The following EFNA5 variants were observed in gnomAD, a reference collection of about 807,000 sequenced individuals.
EFNA5 encodes ephrin A5.
EFNA5 carries 5 observed loss-of-function variants against 22.9 expected under a neutral mutation model. That is an observed-to-expected ratio of 0.22 (90% CI 0.11 to 0.46). EFNA5 has a LOEUF of 0.46. EFNA5 is among the 20% of genes least tolerant of loss of function. The pLI is 0.99. For missense variants in EFNA5, 237 were observed against 293.3 expected (o/e 0.81, Z 1.40); for synonymous variants, 113 against 112.2 (o/e 1.01, Z -0.04).
intron 1 of EFNA5, among the ~76,000 whole-genome samples, chr5:107,442,944 A>AC (rs1456010059): frequency 1.3e-5 from 2 of 151,742 alleles, no homozygotes; most frequent in African/African-American, 4.8e-5. Context: ...AAAAAAAAAA[A>AC]AAAAAAAAAC....
At chr5:107,484,541 A>G (rs1334735198) in intron 1 of EFNA5, among the ~76,000 whole-genome samples, 1 of 152,212 alleles carries the variant, frequency 6.6e-6, no homozygotes, top group Non-Finnish European at 1.5e-5. Context: ...TCTCTTGAGA[A>G]TTCTTCTGAG....
intron 1 of EFNA5, among the ~76,000 whole-genome samples, chr5:107,447,366 AT>A (rs1304730555): frequency 2.6e-5 from 4 of 152,224 alleles, no homozygotes; most frequent in Non-Finnish European, 5.9e-5. Flanking sequence ...ACCTTTCCTA[AT>A]TTGATTGACT....
intron 1 of EFNA5, among the ~76,000 whole-genome samples, chr5:107,530,753 C>T (rs1259094107): frequency 2.0e-5 from 3 of 152,206 alleles, no homozygotes; most frequent in Middle Eastern, 6.8e-3. Context: ...GTTCCCACAC[C>T]TATAAAAGGG....
At chr5:107,440,864 T>C (rs937341493) in intron 1 of EFNA5, among the ~76,000 whole-genome samples, 35 of 152,134 alleles carry the variant, frequency 2.3e-4, no homozygotes, top group African/African-American at 8.4e-4. Flanking sequence ...ATGGTAAATG[T>C]TACTCTAATA....
In EFNA5 at chr5:107,494,085, G is replaced by A. The variant is rs1218319331; in HGVS notation, c.126-66576C>T. On this transcript the variant is annotated intron_variant, in intron 1 of 4. Transcript: ENST00000333274. ...TGATGTTGAGAGATGACGGCGTGCT[G>A]GCAGTCCTCACAGCCTTCGCTCGCT... is the stretch of plus-strand genomic sequence containing the variant. Among the ~76,000 whole-genome samples, 4 of 152,344 alleles carry A rather than the reference G, an allele frequency of 2.6e-5. No individual in the cohort carries two copies. The East Asian group carries it at 7.7e-4, about 29-fold the overall frequency.
At chr5:107,550,521 G>A (rs1429974700) in intron 1 of EFNA5, among the ~76,000 whole-genome samples, 4 of 152,162 alleles carry the variant, frequency 2.6e-5, no homozygotes, top group African/African-American at 9.6e-5. Context: ...TTTCAAATGG[G>A]AAGAAAAACA....
chr5:107,461,859 A>C (rs571130608), intron 1 of EFNA5, among the ~76,000 whole-genome samples: 60 of 152,190 alleles, frequency 3.9e-4, no homozygotes, highest in African/African-American at 1.4e-3. Flanking sequence ...GGCTCTAGGG[A>C]TATCTCTGGA....
intron 1 of EFNA5, among the ~76,000 whole-genome samples, chr5:107,556,874 A>T (rs942470015): frequency 6.6e-6 from 1 of 152,142 alleles, no homozygotes; most frequent in African/African-American, 2.4e-5. Flanking sequence ...AAGCCAATTC[A>T]TTACTCCATT....
intron 1 of EFNA5, among the ~76,000 whole-genome samples, chr5:107,580,061 G>T (rs1284996577): frequency 6.6e-6 from 1 of 152,154 alleles, no homozygotes; most frequent in Admixed American, 6.5e-5. Context: ...CCTCAGAAAG[G>T]TCTATTAGTG....
At chr5:107,555,686 G>A (rs1382456124) in intron 1 of EFNA5, among the ~76,000 whole-genome samples, 5 of 152,186 alleles carry the variant, frequency 3.3e-5, no homozygotes, top group African/African-American at 1.2e-4. Context: ...TAATCGTAGT[G>A]TATATAGCTA....
At chr5:107,484,096 C>T (rs1750553988) in intron 1 of EFNA5, among the ~76,000 whole-genome samples, 1 of 152,200 alleles carries the variant, frequency 6.6e-6, no homozygotes. Flanking sequence ...TTAAAGTTCA[C>T]TCTGTCCTTA....
chr5:107,660,273 T>TAAATATATATATATATATAA (rs1442226766), intron 1 of EFNA5, among the ~76,000 whole-genome samples: 3 of 42,250 alleles, frequency 7.1e-5, no homozygotes, highest in Non-Finnish European at 1.4e-4. Flanking sequence ...TATATATATA[T>TAAATATATATATATATATAA]ATATATATAT....
chr5:107,379,057 A>G lies in EFNA5; in HGVS notation c.*2198T>C, dbSNP rs1034486422. ...GCATATATAAATAGCTAAAGGAAAA[A>G]GGAATTGAATGCCGTGAACTTTTGT... On this transcript the variant is annotated 3_prime_UTR_variant, in exon 5 of 5. Transcript: ENST00000333274. The G allele has an allele frequency of 1.3e-5, 2 of 152,180 alleles. No individual in the cohort carries two copies. The highest frequency in any genetic ancestry group is 2.9e-5 in the Non-Finnish European group (2 of 68,032). The allele number at this position is 152,180 out of a possible 1,614,324, so 9.4% of individuals were successfully genotyped here.
chr5:107,532,566 A>C (rs1402493424), intron 1 of EFNA5, among the ~76,000 whole-genome samples: 2 of 152,208 alleles, frequency 1.3e-5, no homozygotes, highest in Non-Finnish European at 2.9e-5. Context: ...GGGACGGAAG[A>C]AGCATGGAAT....
intron 1 of EFNA5, among the ~76,000 whole-genome samples, chr5:107,637,588 T>C (rs1750404399): frequency 6.6e-6 from 1 of 151,194 alleles, no homozygotes; most frequent in Non-Finnish European, 1.5e-5. Context: ...GTATATGGAT[T>C]AGGTTATTTT....
At chr5:107,551,520 G>A (rs989086240) in intron 1 of EFNA5, among the ~76,000 whole-genome samples, 7 of 152,012 alleles carry the variant, frequency 4.6e-5, no homozygotes, top group Non-Finnish European at 1.0e-4. Flanking sequence ...GCAAGAAAAC[G>A]GAAGCTCAGT....
At chr5:107,621,927 A>G (rs1414835497) in intron 1 of EFNA5, among the ~76,000 whole-genome samples, 2 of 152,148 alleles carry the variant, frequency 1.3e-5, no homozygotes, top group Non-Finnish European at 2.9e-5. Flanking sequence ...GCATTTAAAC[A>G]GGAGATAATA....
intron 1 of EFNA5, among the ~76,000 whole-genome samples, chr5:107,575,867 C>A (rs1382158206): frequency 3.3e-5 from 5 of 152,138 alleles, no homozygotes; most frequent in Non-Finnish European, 7.4e-5. Context: ...AAGAGAACAT[C>A]AGCATTTGCC....
intron 1 of EFNA5, among the ~76,000 whole-genome samples, chr5:107,439,334 G>C (rs2112433994): frequency 6.6e-6 from 1 of 152,206 alleles, no homozygotes; most frequent in East Asian, 1.9e-4. Flanking sequence ...CTCCAAAACT[G>C]TGAGAAAATA....
Sources: allele counts gnomAD v4.1 joint callset (sites outside exome capture counted in the v4.1 genomes callset), GRCh38; gene constraint gnomAD v4.1.1; transcripts MANE v1.5; gene names NCBI Gene and HGNC (gene_info 2026-07-23, HGNC 2026-07-21).